The following ANKRD40 variants were observed in gnomAD, a reference collection of about 807,000 sequenced individuals.
ANKRD40 encodes ankyrin repeat domain 40.
A neutral mutation model predicts 35.5 loss-of-function variants in ANKRD40; 24 were observed. That is an observed-to-expected ratio of 0.68 (90% confidence interval 0.49 to 0.95). ANKRD40 has a LOEUF of 0.95. Ranked by LOEUF, ANKRD40 falls within the 40% of genes least tolerant of loss-of-function variation. ANKRD40 has a pLI of 0.00. For missense variants in ANKRD40, 361 were observed against 436.0 expected, an observed-to-expected ratio of 0.83 and a Z score of 1.53; for synonymous variants, 147 against 173.5, an observed-to-expected ratio of 0.85 and a Z score of 1.20.
chr17:50,704,872 T>C (rs925299969), intron 1 of ANKRD40, among the ~76,000 whole-genome samples: 18 of 152,100 alleles, frequency 1.2e-4, no homozygotes, highest in African/African-American at 4.1e-4. Context: ...CCCAGAACTT[T>C]GGGAGGCAGA....
At chr17:50,702,414 T>C (rs1476424247) in intron 1 of ANKRD40, among the ~76,000 whole-genome samples, 1 of 146,746 alleles carries the variant, frequency 6.8e-6, no homozygotes, top group African/African-American at 2.5e-5. Context: ...AAAAAAAAAG[T>C]ACCAAATGAG....
At position 50,693,320 on chromosome 17, in the gene ANKRD40, G is replaced by A. The variant is rs1257509529; in HGVS notation, c.*2677C>T. Reference sequence around the variant, plus strand: ...CACATGCTTTAAATATGCAGTGGAGGAGGAGGGGTGAATTCACAGTTAACA... The same window carrying A: ...CACATGCTTTAAATATGCAGTGGAGAAGGAGGGGTGAATTCACAGTTAACA... On this transcript the variant is annotated 3_prime_UTR_variant, in exon 5 of 5. Transcript: ENST00000285243. 2.0e-5 allele frequency: 3 copies of A among 152,192 alleles called. No homozygotes were observed. Among genetic ancestry groups the A allele is most frequent in the Admixed American group, 1.3e-4 (2 of 15,282 alleles). The allele number at this position is 152,192 out of a possible 1,614,324, so 9.4% of individuals were successfully genotyped here.
At chr17:50,704,240 C>T (rs747028633) in intron 1 of ANKRD40, among the ~76,000 whole-genome samples, 2 of 152,046 alleles carry the variant, frequency 1.3e-5, no homozygotes, top group Non-Finnish European at 2.9e-5. Context: ...AGAGGCCGGG[C>T]GCGGTGGCTC....
At chr17:50,696,728 C>G (rs574851165) in intron 4 of ANKRD40, 12 of 390,926 alleles carry the variant, frequency 3.1e-5, no homozygotes, top group African/African-American at 2.7e-4. Flanking sequence ...TTTGTTCCTT[C>G]TCCACTCCAC....
intron 1 of ANKRD40, chr17:50,700,962 G>A: frequency 2.7e-6 from 1 of 367,368 alleles, no homozygotes; most frequent in Non-Finnish European, 5.0e-6. Flanking sequence ...AATTTCAATA[G>A]CCTCCAGAAG....
rs908375618 is a variant in ANKRD40, at chr17:50,696,871, A to T, written c.960+69T>A. On this transcript the variant is annotated intron_variant, in intron 4 of 4. Coordinates refer to ENST00000285243, the MANE Select transcript of ANKRD40 (RefSeq NM_052855.4). ...TTGTTTATTCCCTCAACTACCTCAT[A>T]TAACCAAGGAGGGGGCTAGGTATTT... 5.9e-5 allele frequency: 84 copies of T among 1,413,674 alleles called. No individual in the cohort carries two copies. The African/African-American group carries it at 1.1e-3, about 19-fold the overall frequency. 87.6% of individuals were successfully genotyped at this position (1,413,674 alleles called of 1,614,324 possible). A position where few individuals can be genotyped will look rare whatever the true frequency, so the allele number is the denominator to read the frequency against.
intron 1 of ANKRD40, among the ~76,000 whole-genome samples, chr17:50,705,753 C>T (rs1318177524): frequency 6.6e-6 from 1 of 151,666 alleles, no homozygotes; most frequent in Non-Finnish European, 1.5e-5. Flanking sequence ...CTCCAACTCC[C>T]TGGTTCAAGT....
At chr17:50,700,473 G>C in intron 2 of ANKRD40, 95 bp downstream of exon 2, 1 of 1,208,486 alleles carries the variant, frequency 8.3e-7, no homozygotes, top group Non-Finnish European at 1.1e-6. Flanking sequence ...AAGAAATAGA[G>C]CAGTTGTTTG....
chr17:50,700,864 C>T (rs1190531648), intron 1 of ANKRD40, 148 bp from the exon 2 acceptor site: 9 of 603,636 alleles, frequency 1.5e-5, no homozygotes, highest in East Asian at 9.0e-5. Flanking sequence ...TTCACAAAGC[C>T]GATGAGCAAA....
In ANKRD40 at chr17:50,695,995, C is replaced by T. The variant is rs907165450; in HGVS notation, c.*2G>A. 2 of 1,613,882 alleles carry T rather than the reference C, an allele frequency of 1.2e-6. No homozygotes were observed. The highest frequency in any genetic ancestry group is 1.6e-4 in the Middle Eastern group (1 of 6,082). On this transcript the variant is annotated 3_prime_UTR_variant, in exon 5 of 5. Transcript: ENST00000285243. ...TACTCAGTGATAAAAGTCCCTGCTG[C>T]ATTAGTAAGTCAGTTTTGAAGCTCT...
chr17:50,697,517 ATG>A (rs1474496593), intron 3 of ANKRD40, among the ~76,000 whole-genome samples: 1 of 152,242 alleles, frequency 6.6e-6, no homozygotes, highest in African/African-American at 2.4e-5. Flanking sequence ...CATGGGCAGG[ATG>A]TGAGTTACCC....
chr17:50,698,985 CA>C (rs5820829), intron 3 of ANKRD40, among the ~76,000 whole-genome samples: 8,955 of 69,622 alleles, frequency 0.13, 245 homozygotes, highest in Middle Eastern at 0.22. Context: ...ACTAAAAATA[CA>C]AAAAAAAAAA....
chr17:50,698,985 CAAAAAA>C (rs5820829), intron 3 of ANKRD40, among the ~76,000 whole-genome samples: 41 of 69,604 alleles, frequency 5.9e-4, no homozygotes, highest in African/African-American at 2.1e-3. Context: ...ACTAAAAATA[CAAAAAA>C]AAAAAAAAAA....
At position 50,700,630 on chromosome 17, in the gene ANKRD40, G is replaced by C. The variant is rs748342985; in HGVS notation, c.221C>G (p.Thr74Ser). The change falls in exon 2 of 5, where the codon ACC becomes AGC. Residue 74 changes from threonine to serine, a missense_variant. Physicochemically the swap from Thr to Ser is moderately conservative, Grantham distance 58 (BLOSUM62 1). Coordinates refer to ENST00000285243, the MANE Select transcript of ANKRD40 (RefSeq NM_052855.4). ...LKSGADKEIL[T>S]TKGEMPVQLT... ...CTGGACTGGCATTTCTCCTTTTGTG[G>C]TAAGAATTTCTTTGTCAGCTCCTGA... 1 of 1,613,954 alleles carries C rather than the reference G, an allele frequency of 6.2e-7. No individual in the cohort carries two copies. The highest frequency in any genetic ancestry group is 1.1e-5 in the South Asian group (1 of 91,078).
Position 50,707,498 on chromosome 17 carries a change from G to C in ANKRD40, c.134+23C>G. The C allele has an allele frequency of 6.2e-7, 1 of 1,601,114 alleles. No individual in the cohort carries two copies. Among genetic ancestry groups the C allele is most frequent in the African/African-American group, 1.4e-5 (1 of 73,660 alleles). ...CTTCCGACCGGCTGCCCTGACCCTAGGCCTCCCCCGCTCCCCACTTACCAG... is the reference window on the plus strand; with the variant it reads ...CTTCCGACCGGCTGCCCTGACCCTACGCCTCCCCCGCTCCCCACTTACCAG... On this transcript the variant is annotated intron_variant, in intron 1 of 4. Coordinates refer to ENST00000285243, the MANE Select transcript of ANKRD40 (RefSeq NM_052855.4). The surrounding 1 kb of genome is among the most constrained non-coding windows in gnomAD (Gnocchi z 4.8).
chr17:50,697,698 G>A (rs1968217068), intron 3 of ANKRD40, among the ~76,000 whole-genome samples: 1 of 152,188 alleles, frequency 6.6e-6, no homozygotes, highest in Admixed American at 6.5e-5. Context: ...ATTATTCATA[G>A]GTCTGGGATC....
intron 3 of ANKRD40, among the ~76,000 whole-genome samples, chr17:50,699,131 C>T (rs1371702181): frequency 1.3e-5 from 2 of 151,972 alleles, no homozygotes; most frequent in African/African-American, 4.8e-5. Flanking sequence ...TGTACTCCAG[C>T]CTGGGTGACA....
At chr17:50,705,656 T>TA (rs1968325955) in intron 1 of ANKRD40, among the ~76,000 whole-genome samples, 1 of 146,736 alleles carries the variant, frequency 6.8e-6, no homozygotes, top group East Asian at 2.0e-4. Context: ...ACCAGGAAGA[T>TA]AGACTTTTTT....
rs2146654495 is a variant in ANKRD40, at chr17:50,694,963, AT to A, written c.*1033del. On this transcript the variant is annotated 3_prime_UTR_variant, in exon 5 of 5. Transcript: ENST00000285243. ...AATAGCAACAGATTCAGTCTCAAAA[AT>A]TGCTTTTCATTTGTAGTGGAAAATG... The A allele has an allele frequency of 6.6e-6, 1 of 152,338 alleles. No individual in the cohort carries two copies. The highest frequency in any genetic ancestry group is 1.9e-4 in the East Asian group (1 of 5,192). 9.4% of individuals were successfully genotyped at this position (152,338 alleles called of 1,614,324 possible). A position where few individuals can be genotyped will look rare whatever the true frequency, so the allele number is the denominator to read the frequency against.
Sources: gnomAD v4.1 joint callset for allele counts (sites outside exome capture counted in the v4.1 genomes callset) on GRCh38, gnomAD v4.1.1 for gene constraint, Gnocchi (gnomAD v3.1) non-coding constraint, MANE v1.5 for transcripts, NCBI Gene and HGNC (gene_info 2026-07-23, HGNC 2026-07-21) for gene names.